CIITA: variants seen among roughly 807,000 people sequenced by gnomAD.
CIITA encodes the protein MHC class II transactivator.
A neutral mutation model predicts 115.1 loss-of-function variants in CIITA; 72 were observed. The ratio of observed to expected loss-of-function variants is 0.63; its 90% CI spans 0.52 to 0.76. The LOEUF is 0.76. Ranked by LOEUF, CIITA falls within the 30% of genes least tolerant of loss-of-function variation. The pLI, the probability that CIITA is intolerant of heterozygous loss-of-function variation, is 0.00. For missense variants in CIITA, 1,617 were observed against 1,463.8 expected (o/e 1.10, Z -1.71); for synonymous variants, 763 against 635.6 (o/e 1.20, Z -3.02).
At chr16:10,872,767 A>G (rs540195989), upstream of CIITA, among the ~76,000 whole-genome samples, 2 of 151,970 alleles carry the variant, frequency 1.3e-5, no homozygotes, top group East Asian at 3.9e-4. Context: ...CCTTCTCCTG[A>G]ATCATTTATT....
At chr16:10,874,492 G>C (rs2035694780), upstream of CIITA, among the ~76,000 whole-genome samples, 1 of 152,188 alleles carries the variant, frequency 6.6e-6, no homozygotes, top group Non-Finnish European at 1.5e-5. Flanking sequence ...CTCAGCTCCT[G>C]GCTGGGTACC....
intron 1 of CIITA, among the ~76,000 whole-genome samples, chr16:10,883,099 G>C (rs1173389830): frequency 6.6e-6 from 1 of 152,114 alleles, no homozygotes; most frequent in East Asian, 1.9e-4. Context: ...GGGGTCTCCA[G>C]CACCCAGCAG....
chr16:10,922,560 G>C (rs906246201), intron 18 of CIITA, 70 bp downstream of exon 18: 1 of 1,512,240 alleles, frequency 6.6e-7, no homozygotes. Flanking sequence ...TGTGACCCCG[G>C]AGCTCAAATC....
rs1170717460 is a variant in CIITA at position 10,902,132 on chromosome 16, C to A, written c.576C>A (p.Asn192Lys). The change falls in exon 7 of 20, where the codon AAC becomes AAA. Residue 192 changes from asparagine (N) to lysine (K), a missense_variant. Asn to Lys is a moderately conservative substitution (Grantham distance 94, BLOSUM62 0). Coordinates refer to ENST00000324288, the MANE Select transcript of CIITA (RefSeq NM_000246.4). ...GCCTGCCACTGCCTGCGCTGTTCAACCAGGAGCCAGCCTCCGGCCAGATGC... is the reference window on the plus strand; with the variant it reads ...GCCTGCCACTGCCTGCGCTGTTCAAACAGGAGCCAGCCTCCGGCCAGATGC... Reference protein sequence around the residue: ...LPCLPLPALFNQEPASGQMRL... With the variant: ...LPCLPLPALFKQEPASGQMRL... 1 of 1,614,112 alleles carries A rather than the reference C, an allele frequency of 6.2e-7. No homozygotes were observed. The highest frequency in any genetic ancestry group is 1.3e-5 in the African/African-American group (1 of 74,950).
Position 10,941,952 on chromosome 16 carries a change from G to C in CIITA, n.1078G>C. The C allele has an allele frequency of 1.3e-6, 2 of 1,570,224 alleles. No individual in the cohort carries two copies. The highest frequency in any genetic ancestry group is 2.3e-5 in the East Asian group (1 of 42,640). ...AGGGCAGCAGCGGCGGCGGCACGTA[G>C]GGGACCAGGGGGCCCAGTGCGTCCA... On this transcript the variant is annotated non_coding_transcript_exon_variant, in exon 2 of 2. Transcript: ENST00000573379. The surrounding 1 kb of genome is among the most constrained non-coding windows in gnomAD (Gnocchi z 6.4).
intron 1 of CIITA, among the ~76,000 whole-genome samples, chr16:10,883,252 A>G (rs927472849): frequency 1.3e-5 from 2 of 152,124 alleles, no homozygotes; most frequent in Admixed American, 6.5e-5. Context: ...TTCCAGGAAA[A>G]ACTTGTTGGA....
rs1323114811 is a variant in CIITA at position 10,942,047 on chromosome 16, C to T, written n.1173C>T. 3.0e-6 allele frequency: 4 copies of T among 1,348,666 alleles called. No homozygotes were observed. Among genetic ancestry groups the T allele is most frequent in the Non-Finnish European group, 9.5e-7 (1 of 1,053,348 alleles). 83.5% of individuals were successfully genotyped at this position (1,348,666 alleles called of 1,614,324 possible). On this transcript the variant is annotated non_coding_transcript_exon_variant, in exon 2 of 2. Coordinates refer to the CIITA transcript ENST00000573379. This position sits in a 1 kb window ranked among gnomAD's most constrained non-coding sequence, Gnocchi z 5.0. ...GCGGCGGCCCGGCGATCCCGGCGAA[C>T]TCAGCCGCTGCGGCGCCCGGGCGGC... is the stretch of plus-strand genomic sequence containing the variant.
rs549708330 is a variant in CIITA, at chr16:10,935,166, G to A, written c.*11311G>A. 6.6e-6 allele frequency: 1 copy of A among 152,328 alleles called. No homozygotes were observed. Among genetic ancestry groups the A allele is most frequent in the East Asian group, 1.9e-4 (1 of 5,190 alleles). 9.4% of individuals were successfully genotyped at this position (152,328 alleles called of 1,614,324 possible). A position where few individuals can be genotyped will look rare whatever the true frequency, so the allele number is the denominator to read the frequency against. ...GAAGTCTGAGGTGTTGGTGGAGCTG[G>A]GATTTAAACCAAAATATGTCCAACT... On this transcript the variant is annotated 3_prime_UTR_variant, in exon 20 of 20. Coordinates refer to ENST00000324288, the MANE Select transcript of CIITA (RefSeq NM_000246.4).
rs147364916 is a variant in CIITA at position 10,887,577 on chromosome 16, C to A, written c.53-7705C>A. ...GTGGCGTGATCTCGGCTCACTGCAA[C>A]CTCCGCCTCCCAGGTTCAAGCAATT... is the stretch of plus-strand genomic sequence containing the variant. On this transcript the variant is annotated intron_variant, in intron 1 of 19. Coordinates refer to ENST00000324288, the MANE Select transcript of CIITA (RefSeq NM_000246.4). Among the ~76,000 whole-genome samples the A allele has an allele frequency of 7.7e-3, 1,173 of 151,678 alleles. 12 individuals are homozygous for A. Among genetic ancestry groups the A allele is most frequent in the African/African-American group, 0.027 (1,105 of 41,304 alleles).
intron 1 of CIITA, among the ~76,000 whole-genome samples, chr16:10,868,491 G>A (rs994826492): frequency 9.2e-5 from 14 of 152,216 alleles, no homozygotes; most frequent in African/African-American, 2.4e-4. Context: ...GGTTTCCATC[G>A]TCTATTGGAC....
chr16:10,905,011 T>C (rs1038288481), intron 10 of CIITA, among the ~76,000 whole-genome samples, 199 bp downstream of exon 10: 2 of 152,234 alleles, frequency 1.3e-5, no homozygotes, highest in Non-Finnish European at 2.9e-5. Flanking sequence ...CCTCAAATAA[T>C]ATTTATTGCC....
At chr16:10,903,927 A>G in intron 9 of CIITA, 32 bp downstream of exon 9, 1 of 1,614,028 alleles carries the variant, frequency 6.2e-7, no homozygotes, top group Non-Finnish European at 8.5e-7. Context: ...GAGAGGTACT[A>G]GAAGCAGGAT....
At chr16:10,903,964 A>C in intron 9 of CIITA, 69 bp downstream of exon 9, 10 of 1,603,472 alleles carry the variant, frequency 6.2e-6, no homozygotes, top group Non-Finnish European at 7.7e-6. Context: ...GAATTGTCTC[A>C]AATAAGATCC....
intron 3 of CIITA, among the ~76,000 whole-genome samples, chr16:10,898,395 G>T (rs1056543407): frequency 3.3e-5 from 5 of 151,956 alleles, no homozygotes; most frequent in African/African-American, 1.2e-4. Flanking sequence ...GGTGGAATTT[G>T]AACTCAAATC....
At chr16:10,872,232 C>T (rs1233976581), upstream of CIITA, among the ~76,000 whole-genome samples, 1 of 152,116 alleles carries the variant, frequency 6.6e-6, no homozygotes, top group East Asian at 1.9e-4. Flanking sequence ...AAGCAATTCT[C>T]CTGCCTCAGC....
At chr16:10,887,857 G>A (rs1238448630) in intron 1 of CIITA, among the ~76,000 whole-genome samples, 5 of 152,118 alleles carry the variant, frequency 3.3e-5, no homozygotes, top group African/African-American at 9.7e-5. Flanking sequence ...GGTAGCAAAA[G>A]AGCCTTCTTC....
chr16:10,889,521 T>C (rs1349797360), intron 1 of CIITA, among the ~76,000 whole-genome samples: 1 of 151,086 alleles, frequency 6.6e-6, no homozygotes, highest in African/African-American at 2.5e-5. Context: ...TTGTTTTTTG[T>C]TTTTTGTTTT....
chr16:10,920,380 T>A lies in CIITA; in HGVS notation c.3150-1787T>A, dbSNP rs2040204653. Among the ~76,000 whole-genome samples, 1 of 152,192 alleles carries A rather than the reference T, an allele frequency of 6.6e-6. No individual in the cohort carries two copies. The highest frequency in any genetic ancestry group is 6.5e-5 in the Admixed American group (1 of 15,272). ...CTCATGCCTCAGCCTCCCAAGTAGC[T>A]GGGATTACAGATGCCCGCCACCACA... is the stretch of plus-strand genomic sequence containing the variant. On this transcript the variant is annotated intron_variant, in intron 16 of 19. Transcript: ENST00000324288. The surrounding 1 kb of genome is among the most constrained non-coding windows in gnomAD (Gnocchi z 4.5).
At chr16:10,873,870 C>G (rs923595788), upstream of CIITA, among the ~76,000 whole-genome samples, 1 of 152,108 alleles carries the variant, frequency 6.6e-6, no homozygotes, top group Non-Finnish European at 1.5e-5. Context: ...ACAGGGGTCC[C>G]GTCTCAGGAG....
Sources: gnomAD v4.1 joint callset for allele counts (sites outside exome capture counted in the v4.1 genomes callset) on GRCh38, gnomAD v4.1.1 for gene constraint, Gnocchi (gnomAD v3.1) non-coding constraint, MANE v1.5 for transcripts, NCBI Gene and HGNC (gene_info 2026-07-23, HGNC 2026-07-21) for gene names.